The following EZH2 variants were observed in gnomAD, a reference collection of about 807,000 sequenced individuals.
The protein encoded by EZH2 is enhancer of zeste 2 polycomb repressive complex 2 subunit.
Under a neutral mutation model 98.4 loss-of-function variants are expected in EZH2, and 18 were observed. The observed-to-expected ratio is 0.18, with a 90% CI of 0.13 to 0.27. The LOEUF (loss-of-function observed/expected upper bound fraction) is 0.27, where lower values mean the gene tolerates loss of function less well. Ranked by LOEUF, EZH2 falls within the 10% of genes least tolerant of loss-of-function variation. EZH2 has a pLI of 1.00. For synonymous variants in EZH2, 338 were observed against 312.3 expected (o/e 1.08, Z -0.87); for missense variants, 470 against 935.1 (o/e 0.50, Z 6.49).
Position 148,820,642 on chromosome 7 carries a change from G to C in EZH2, c.908-955C>G, listed in dbSNP as rs572558592. Among the ~76,000 whole-genome samples the C allele has an allele frequency of 2.6e-5, 4 of 152,000 alleles. No individual in the cohort carries two copies. The South Asian group carries it at 6.2e-4, about 24-fold the overall frequency. Reference sequence around the variant, plus strand: ...GAAGCGTGTGAGCAATTAGGCTCCAGACAGCCTAACACCAATACTAATCTG... The same window carrying C: ...GAAGCGTGTGAGCAATTAGGCTCCACACAGCCTAACACCAATACTAATCTG... On this transcript the variant is annotated intron_variant, in intron 8 of 19. Coordinates refer to ENST00000320356, the MANE Select transcript of EZH2 (RefSeq NM_004456.5).
At chr7:148,874,214 C>A (rs1307735754) in intron 1 of EZH2, among the ~76,000 whole-genome samples, 1 of 152,178 alleles carries the variant, frequency 6.6e-6, no homozygotes, top group Non-Finnish European at 1.5e-5. Context: ...TAGTGAAACT[C>A]TGTCTCTAAC....
At position 148,815,534 on chromosome 7, in the gene EZH2, T is replaced by C; in HGVS notation, c.1518A>G (p.Ala506=). ...TTTTCAGCTGTATCTTTCTGCAGTG[T>C]GCAGCCCACAACCTGCAAAAACACA... ...KKKRKHRLWA[A]HCRKIQLKKD... is the part of the protein sequence containing the mutation. Residue 506 remains alanine (A), a synonymous_variant, in exon 13 of 20, where the codon GCA becomes GCG. Coordinates refer to ENST00000320356, the MANE Select transcript of EZH2 (RefSeq NM_004456.5). 1 of 1,614,242 alleles carries C rather than the reference T, an allele frequency of 6.2e-7. No homozygotes were observed.
intron 11 of EZH2, chr7:148,817,011 A>G: frequency 1.7e-6 from 1 of 605,516 alleles, no homozygotes; most frequent in Non-Finnish European, 2.8e-6. Context: ...AGCTACTGCT[A>G]TCTAACCTTA....
chr7:148,816,599 G>C (rs1015063968), intron 12 of EZH2, 85 bp downstream of exon 12: 2 of 977,674 alleles, frequency 2.0e-6, no homozygotes, highest in Non-Finnish European at 3.2e-6. Flanking sequence ...AGACTAAGTA[G>C]AAACCAACAA....
intron 8 of EZH2, among the ~76,000 whole-genome samples, chr7:148,824,944 G>A (rs1807265025): frequency 6.6e-6 from 1 of 151,806 alleles, no homozygotes; most frequent in African/African-American, 2.4e-5. Flanking sequence ...AATGAGGTAA[G>A]TAACAGGTTC....
chr7:148,857,874 C>A (rs976977678), intron 1 of EZH2, among the ~76,000 whole-genome samples: 3 of 151,838 alleles, frequency 2.0e-5, no homozygotes, highest in Admixed American at 6.5e-5. Flanking sequence ...AAATAACATT[C>A]ACTTTTAGAA....
chr7:148,881,940 A>C (rs533451341), intron 1 of EZH2, among the ~76,000 whole-genome samples: 2 of 138,718 alleles, frequency 1.4e-5, no homozygotes, highest in African/African-American at 5.6e-5. Flanking sequence ...TCTCAAAAAA[A>C]AAAAAACATA....
rs761834990 is a variant in EZH2, at chr7:148,814,039, G to C, written c.1771C>G (p.Leu591Val). ...CAATGGTCAGCGGCTCCACAAGTAA[G>C]ACAGAGGTCAGGGTCACACTCTCGG... ...AVRECDPDLCLTCGAADHWDS... is the reference protein window; with the variant it reads ...AVRECDPDLCVTCGAADHWDS... Residue 591 changes from leucine (L) to valine (V), a missense_variant, in exon 15 of 20, where the codon CTT (leucine) becomes GTT (valine). By Grantham distance (32) the Leu-to-Val change is conservative (BLOSUM62 1). Coordinates refer to ENST00000320356, the MANE Select transcript of EZH2 (RefSeq NM_004456.5). 1.2e-6 allele frequency: 2 copies of C among 1,614,064 alleles called. No homozygotes were observed. The highest frequency in any genetic ancestry group is 8.5e-7 in the Non-Finnish European group (1 of 1,180,032).
chr7:148,827,748 A>G (rs570368481), intron 6 of EZH2, among the ~76,000 whole-genome samples: 2 of 152,314 alleles, frequency 1.3e-5, no homozygotes, highest in South Asian at 4.1e-4. Flanking sequence ...AACACCAACT[A>G]TTGACTCTGT....
chr7:148,832,290 G>A (rs1433206517), intron 4 of EZH2, among the ~76,000 whole-genome samples: 1 of 152,064 alleles, frequency 6.6e-6, no homozygotes, highest in African/African-American at 2.4e-5. Context: ...TATTGCCCAG[G>A]TGGATCTCCA....
At chr7:148,878,319 A>G (rs1820457190) in intron 1 of EZH2, among the ~76,000 whole-genome samples, 1 of 152,132 alleles carries the variant, frequency 6.6e-6, no homozygotes, top group African/African-American at 2.4e-5. Context: ...CTGTCTCCAT[A>G]GAGTTGCCTC....
At chr7:148,845,287 G>A (rs1277323914) in intron 3 of EZH2, among the ~76,000 whole-genome samples, 3 of 152,082 alleles carry the variant, frequency 2.0e-5, no homozygotes, top group East Asian at 3.8e-4. Context: ...CTTTAAGAAC[G>A]TTCTGATGGG....
At chr7:148,874,086 TAAG>T (rs1819850153) in intron 1 of EZH2, among the ~76,000 whole-genome samples, 1 of 151,974 alleles carries the variant, frequency 6.6e-6, no homozygotes, top group African/African-American at 2.4e-5. Context: ...GAGAAAGATA[TAAG>T]AAGAAAACTA....
chr7:148,810,866 G>A (rs1386552458), intron 16 of EZH2, among the ~76,000 whole-genome samples: 9 of 144,854 alleles, frequency 6.2e-5, no homozygotes, highest in Non-Finnish European at 1.2e-4. Context: ...ATTGCACTCC[G>A]GCCTGGGCAA....
At chr7:148,856,406 G>T (rs967952076) in intron 1 of EZH2, among the ~76,000 whole-genome samples, 1 of 152,222 alleles carries the variant, frequency 6.6e-6, no homozygotes, top group African/African-American at 2.4e-5. Flanking sequence ...AATATATGCG[G>T]ATAGATACAG....
At chr7:148,819,540 C>G (rs1805438825) in intron 9 of EZH2, 56 bp downstream of exon 9, 2 of 1,442,904 alleles carry the variant, frequency 1.4e-6, no homozygotes, top group East Asian at 2.3e-5. Flanking sequence ...ATCACCTCCA[C>G]CAAAGTGCAA....
intron 1 of EZH2, among the ~76,000 whole-genome samples, chr7:148,860,870 G>T (rs940781755): frequency 6.6e-6 from 1 of 152,046 alleles, no homozygotes; most frequent in South Asian, 2.1e-4. Context: ...ACAGGGTTTC[G>T]CCATGTTGCC....
At chr7:148,869,347 T>C (rs1170549626) in intron 1 of EZH2, among the ~76,000 whole-genome samples, 1 of 144,672 alleles carries the variant, frequency 6.9e-6, no homozygotes, top group Non-Finnish European at 1.5e-5. Context: ...CCTTTTTTTT[T>C]TTTTTTTTTT....
intron 4 of EZH2, among the ~76,000 whole-genome samples, chr7:148,830,984 A>T (rs566232863): frequency 2.5e-4 from 38 of 152,344 alleles, no homozygotes; most frequent in Non-Finnish European, 4.4e-5. Flanking sequence ...AATTATAATA[A>T]GCAGAATGGA....
Sources: allele counts gnomAD v4.1 joint callset (sites outside exome capture counted in the v4.1 genomes callset), GRCh38; gene constraint gnomAD v4.1.1; transcripts MANE v1.5; gene names NCBI Gene and HGNC (gene_info 2026-07-23, HGNC 2026-07-21).